The following MSX1 variants were observed in gnomAD, a reference collection of about 807,000 sequenced individuals.
MSX1 encodes homeobox protein MSX-1.
A neutral mutation model predicts 17.0 loss-of-function variants in MSX1; 11 were observed. The observed-to-expected ratio is 0.65, with a 90% CI of 0.41 to 1.07. The LOEUF (loss-of-function observed/expected upper bound fraction) is 1.07, where lower values mean the gene tolerates loss of function less well. Ranked by LOEUF, MSX1 falls within the 50% of genes least tolerant of loss-of-function variation. The pLI is 0.00. For synonymous variants in MSX1, 253 were observed against 211.8 expected, an observed-to-expected ratio of 1.19 and a Z score of -1.69; for missense variants, 477 against 440.1, an observed-to-expected ratio of 1.08 and a Z score of -0.75.
At position 4,863,472 on chromosome 4, in the gene MSX1, T is replaced by C; in HGVS notation, c.*329T>C. 1 of 213,602 alleles carries C rather than the reference T, an allele frequency of 4.7e-6. No individual in the cohort carries two copies. The highest frequency in any genetic ancestry group is 8.9e-6 in the Non-Finnish European group (1 of 111,956). 13.2% of individuals were successfully genotyped at this position (213,602 alleles called of 1,614,324 possible). A position where few individuals can be genotyped will look rare whatever the true frequency, so the allele number is the denominator to read the frequency against. ...AGAGCTAGAGGCCATGTCTCCTGCATAGCTTTTCCCTGTCCTGACACCAGG... is the reference window on the plus strand; with the variant it reads ...AGAGCTAGAGGCCATGTCTCCTGCACAGCTTTTCCCTGTCCTGACACCAGG... On this transcript the variant is annotated 3_prime_UTR_variant, in exon 2 of 2. Transcript: ENST00000382723.
At position 4,859,790 on chromosome 4, in the gene MSX1, C is replaced by T. The variant is rs938801833; in HGVS notation, c.-110C>T. 1.0e-6 allele frequency: 1 copy of T among 953,964 alleles called. No homozygotes were observed. Among genetic ancestry groups the T allele is most frequent in the Non-Finnish European group, 1.3e-6 (1 of 745,496 alleles). 59.1% of individuals were successfully genotyped at this position (953,964 alleles called of 1,614,324 possible). A position where few individuals can be genotyped will look rare whatever the true frequency, so the allele number is the denominator to read the frequency against. ...CGGGAGGCGCGCGCGGGAGGGTCCG[C>T]CCGGCCAGGGCCCCGGGCGCTCGCA... On this transcript the variant is annotated 5_prime_UTR_variant, in exon 1 of 2. Transcript: ENST00000382723.
In MSX1 at chr4:4,861,018, T is replaced by A. The variant is rs568007670; in HGVS notation, c.469+650T>A. Among the ~76,000 whole-genome samples, 5 of 152,372 alleles carry A rather than the reference T, an allele frequency of 3.3e-5. No homozygotes were observed. The South Asian group carries it at 1.0e-3, about 32-fold the overall frequency. ...AACGTCTAGGACTGAGCCATTAAAG[T>A]GGACTCCAGGTGCCCAAGGCGGTTC... On this transcript the variant is annotated intron_variant, in intron 1 of 1. Transcript: ENST00000382723.
intron 1 of MSX1, among the ~76,000 whole-genome samples, 174 bp downstream of exon 1, chr4:4,860,542 G>A (rs191510042): frequency 6.6e-6 from 1 of 152,304 alleles, no homozygotes; most frequent in African/African-American, 2.4e-5. Context: ...CCAGGAAGAA[G>A]GTTCCAGACC....
chr4:4,860,871 A>G (rs1737902339), intron 1 of MSX1, among the ~76,000 whole-genome samples: 1 of 152,150 alleles, frequency 6.6e-6, no homozygotes, highest in Non-Finnish European at 1.5e-5. Flanking sequence ...TTTGAGGCAG[A>G]TAGTTGGTGC....
Position 4,863,323 on chromosome 4 carries a change from C to T in MSX1, c.*180C>T. 3.1e-6 allele frequency: 2 copies of T among 647,650 alleles called. No homozygotes were observed. The highest frequency in any genetic ancestry group is 5.4e-6 in the Non-Finnish European group (2 of 373,198). 40.1% of individuals were successfully genotyped at this position (647,650 alleles called of 1,614,324 possible). On this transcript the variant is annotated 3_prime_UTR_variant, in exon 2 of 2. Transcript: ENST00000382723. ...AAGTCTGATCCCTGCCAAAAAGTGGCTGGAAGAGTCCCTTAGTACTCTTCT... is the reference window on the plus strand; with the variant it reads ...AAGTCTGATCCCTGCCAAAAAGTGGTTGGAAGAGTCCCTTAGTACTCTTCT...
At chr4:4,861,283 T>G (rs1175728158) in intron 1 of MSX1, among the ~76,000 whole-genome samples, 4 of 152,248 alleles carry the variant, frequency 2.6e-5, no homozygotes, top group Non-Finnish European at 5.9e-5. Context: ...CGCTCTGGGT[T>G]GTCGCCGCTG....
Position 4,860,063 on chromosome 4 carries a change from C to A in MSX1, c.164C>A (p.Ser55Tyr). 14 of 1,520,132 alleles carry A rather than the reference C, an allele frequency of 9.2e-6. No homozygotes were observed. Among genetic ancestry groups the A allele is most frequent in the Non-Finnish European group, 1.2e-5 (14 of 1,135,540 alleles). 94.2% of individuals were successfully genotyped at this position (1,520,132 alleles called of 1,614,324 possible). A position where few individuals can be genotyped will look rare whatever the true frequency, so the allele number is the denominator to read the frequency against. The change falls in exon 1 of 2, where the codon TCC becomes TAC. Residue 55 changes from serine to tyrosine, a missense_variant. Physicochemically the swap from Ser to Tyr is moderately radical, Grantham distance 144 (BLOSUM62 -2). Transcript: ENST00000382723. The part of the protein sequence containing the change: ...ADEEGAKPKV[S>Y]PSLLPFSVEA... Reference sequence around the variant, plus strand: ...GAGGAGGGGGCCAAGCCCAAAGTGTCCCCTTCGCTCCTGCCCTTCAGCGTG... The same window carrying A: ...GAGGAGGGGGCCAAGCCCAAAGTGTACCCTTCGCTCCTGCCCTTCAGCGTG...
In MSX1 at chr4:4,859,962, C is replaced by A; in HGVS notation, c.63C>A (p.Phe21Leu). The change falls in exon 1 of 2, where the codon TTC becomes TTA. Residue 21 changes from phenylalanine to leucine, a missense_variant. By Grantham distance (22) the Phe-to-Leu change is conservative. Transcript: ENST00000382723. The part of the protein sequence containing the change: ...PLGVKVEDSA[F>L]GKPAGGGAGQ... The stretch of plus-strand genomic sequence containing the variant: ...GTGTCAAAGTGGAGGACTCCGCCTT[C>A]GGCAAGCCGGCGGGGGGAGGCGCGG... 1.3e-6 allele frequency: 2 copies of A among 1,492,470 alleles called. No homozygotes were observed. The highest frequency in any genetic ancestry group is 1.8e-6 in the Non-Finnish European group (2 of 1,121,672). 92.5% of individuals were successfully genotyped at this position (1,492,470 alleles called of 1,614,324 possible).
chr4:4,862,391 A>G (rs1487071820), intron 1 of MSX1: 1 of 562,426 alleles, frequency 1.8e-6, no homozygotes, highest in East Asian at 3.5e-5. Context: ...GCCGGGCAGC[A>G]CAAAGGTGAT....
chr4:4,860,012 C>T lies in MSX1; in HGVS notation c.113C>T (p.Ala38Val). The T allele has an allele frequency of 6.7e-7, 1 of 1,498,944 alleles. No homozygotes were observed. Among genetic ancestry groups the T allele is most frequent in the East Asian group, 2.8e-5 (1 of 35,966 alleles). The allele number at this position is 1,498,944 out of a possible 1,614,324, so 92.9% of individuals were successfully genotyped here. The change falls in exon 1 of 2, where the codon GCC (alanine) becomes GTC (valine). Residue 38 changes from alanine to valine, a missense_variant. Around this residue, in one of 3 missense-constraint regions of MSX1, gnomAD observed 355 missense variants for 306.1 expected, o/e 1.16. Transcript: ENST00000382723. Reference sequence around the variant, plus strand: ...GGCCAGGCCCCCAGCGCCGCCGCGGCCACGGCAGCCGCCATGGGCGCGGAC... The same window carrying T: ...GGCCAGGCCCCCAGCGCCGCCGCGGTCACGGCAGCCGCCATGGGCGCGGAC... Reference protein sequence around the residue: ...GAGQAPSAAAATAAAMGADEE... With the variant: ...GAGQAPSAAAVTAAAMGADEE...
chr4:4,860,577 G>A (rs546883929), intron 1 of MSX1, among the ~76,000 whole-genome samples: 40 of 152,324 alleles, frequency 2.6e-4, no homozygotes, highest in African/African-American at 8.4e-4. Flanking sequence ...CAGAGACGCT[G>A]CGGGTGGGAG....
chr4:4,860,645 C>T (rs568083021), intron 1 of MSX1, among the ~76,000 whole-genome samples: 2 of 152,350 alleles, frequency 1.3e-5, no homozygotes, highest in South Asian at 2.1e-4. Context: ...ACCAAACGAC[C>T]TCAGGGGTCC....
At chr4:4,862,413 C>T in intron 1 of MSX1, 1 of 618,790 alleles carries the variant, frequency 1.6e-6, no homozygotes, top group Non-Finnish European at 3.0e-6. Context: ...TCACATCTTC[C>T]CAGCTGTTTA....
rs1560309148 is a variant in MSX1, at chr4:4,859,763, G to GGCGGGAGGCGCGC, written c.-128_-116dup. ...CGCCGGAGCTGGCCTGCTGGGGAGG[G>GGCGGGAGGCGCGC]GCGGGAGGCGCGCGCGGGAGGGTCC... On this transcript the variant is annotated 5_prime_UTR_variant, in exon 1 of 2. Transcript: ENST00000382723. The GGCGGGAGGCGCGC allele has an allele frequency of 1.8e-6, 1 of 550,734 alleles. No individual in the cohort carries two copies. Among genetic ancestry groups the GGCGGGAGGCGCGC allele is most frequent in the African/African-American group, 2.0e-5 (1 of 49,332 alleles). 34.1% of individuals were successfully genotyped at this position (550,734 alleles called of 1,614,324 possible).
chr4:4,862,763 C>T lies in MSX1; in HGVS notation c.532C>T (p.Pro178Ser). 6.2e-7 allele frequency: 1 copy of T among 1,613,552 alleles called. No individual in the cohort carries two copies. The highest frequency in any genetic ancestry group is 8.5e-7 in the Non-Finnish European group (1 of 1,180,024). ...CAAGACGAACCGTAAGCCGCGGACG[C>T]CCTTCACCACCGCGCAGCTGCTGGC... Reference protein sequence around the residue: ...KHKTNRKPRTPFTTAQLLALE... With the variant: ...KHKTNRKPRTSFTTAQLLALE... The change falls in exon 2 of 2, where the codon CCC becomes TCC. Residue 178 changes from proline to serine, a missense_variant. Physicochemically the swap from Pro to Ser is moderately conservative, Grantham distance 74. This residue lies in a region of MSX1 where 355 missense variants were observed against 306.1 expected (regional missense o/e 1.16). Transcript: ENST00000382723.
At position 4,860,248 on chromosome 4, in the gene MSX1, C is replaced by T. The variant is rs1207807140; in HGVS notation, c.349C>T (p.His117Tyr). 6.3e-7 allele frequency: 1 copy of T among 1,587,826 alleles called. No individual in the cohort carries two copies. The highest frequency in any genetic ancestry group is 1.4e-5 in the African/African-American group (1 of 73,780). ...DAPSSPRPLG[H>Y]FSVGGLLKLP... ...GCCCTCTTCGCCGCGGCCGCTCGGC[C>T]ATTTCTCGGTGGGGGGACTCCTCAA... Residue 117 changes from histidine (H) to tyrosine (Y), a missense_variant, in exon 1 of 2, where the codon CAT (histidine) becomes TAT (tyrosine). His to Tyr is a moderately conservative substitution (Grantham distance 83, BLOSUM62 2). This residue lies in a region of MSX1 where 355 missense variants were observed against 306.1 expected (regional missense o/e 1.16). Transcript: ENST00000382723.
intron 1 of MSX1, among the ~76,000 whole-genome samples, chr4:4,861,837 C>G (rs1737922460): frequency 6.6e-6 from 1 of 152,150 alleles, no homozygotes. Context: ...TTGATGTCTG[C>G]TGACTATGCC....
Position 4,860,148 on chromosome 4 carries a change from CGA to C in MSX1, c.251_252del (p.Glu84GlyfsTer90). 1 of 1,511,114 alleles carries C rather than the reference CGA, an allele frequency of 6.6e-7. No individual in the cohort carries two copies. Among genetic ancestry groups the C allele is most frequent in the Non-Finnish European group, 8.8e-7 (1 of 1,135,936 alleles). 93.6% of individuals were successfully genotyped at this position (1,511,114 alleles called of 1,614,324 possible). On this transcript the variant is annotated frameshift_variant, in exon 1 of 2. Coordinates refer to ENST00000382723, the MANE Select transcript of MSX1 (RefSeq NM_002448.3). LOFTEE classifies it high-confidence loss of function. The part of the protein sequence containing the change: ...GAKESALAPS[E>X]GVQAAGGSAQ... ...CCAAGGAGAGCGCCCTGGCGCCCTC[CGA>C]GGGCGTGCAGGCGGCGGGTGGCTCG...
chr4:4,860,558 G>A (rs1392702002), intron 1 of MSX1, among the ~76,000 whole-genome samples, 190 bp downstream of exon 1: 1 of 152,168 alleles, frequency 6.6e-6, no homozygotes, highest in Non-Finnish European at 1.5e-5. Flanking sequence ...AGACCTCCTC[G>A]CCTTGGCCCA....
Sources: allele counts gnomAD v4.1 joint callset (sites outside exome capture counted in the v4.1 genomes callset), GRCh38; gene constraint gnomAD v4.1.1; regional missense constraint gnomAD v4.1.1; transcripts MANE v1.5; gene names NCBI Gene and HGNC (gene_info 2026-07-23, HGNC 2026-07-21).